TNFRSF8: variants seen among roughly 807,000 people sequenced by gnomAD.
TNFRSF8 encodes TNF receptor superfamily member 8, also known as tumor necrosis factor receptor superfamily member 8.
In TNFRSF8, 26 loss-of-function variants were observed where a neutral mutation model predicts 70.8. The observed-to-expected ratio is 0.37, with a 90% CI of 0.27 to 0.51. The LOEUF (loss-of-function observed/expected upper bound fraction) is 0.51, where lower values mean the gene tolerates loss of function less well. Among genes scored for constraint, TNFRSF8 ranks in the 20% least tolerant of loss-of-function variants. The probability of loss-of-function intolerance (pLI) is 0.94; values close to 1 mark genes in which losing one functional copy is unlikely to be tolerated. For missense variants in TNFRSF8, 720 were observed against 807.9 expected, an observed-to-expected ratio of 0.89 and a Z score of 1.32; for synonymous variants, 356 against 339.2, an observed-to-expected ratio of 1.05 and a Z score of -0.54.
chr1:12,066,633 G>A (rs1260281333), intron 1 of TNFRSF8, among the ~76,000 whole-genome samples: 2 of 151,624 alleles, frequency 1.3e-5, no homozygotes, highest in African/African-American at 4.9e-5. Context: ...GATTACAGGC[G>A]TGAGCCACCG....
At chr1:12,077,851 C>T (rs959832387) in intron 1 of TNFRSF8, 1 of 144,182 alleles carries the variant, frequency 6.9e-6, no homozygotes, top group African/African-American at 2.7e-5. Context: ...GCTTCTTGGG[C>T]CACTGTTAAG....
chr1:12,107,957 A>C (rs939780151), intron 4 of TNFRSF8, among the ~76,000 whole-genome samples: 2 of 152,146 alleles, frequency 1.3e-5, no homozygotes, highest in Admixed American at 6.6e-5. Flanking sequence ...ACAGAGCAGG[A>C]AATGTCTAAG....
Position 12,065,300 on chromosome 1 carries a change from C to T in TNFRSF8, c.63+1639C>T, listed in dbSNP as rs147581382. ...GTTTCACCATGTTGGTCAGTCTGGT[C>T]TCGAACTCCTGACCTCAAGTGATCC... On this transcript the variant is annotated intron_variant, in intron 1 of 14. Transcript: ENST00000263932. Among the ~76,000 whole-genome samples the T allele has an allele frequency of 2.8e-3, 433 of 152,158 alleles. 3 individuals are homozygous for T. Among genetic ancestry groups the T allele is most frequent in the African/African-American group, 9.8e-3 (407 of 41,506 alleles).
intron 2 of TNFRSF8, among the ~76,000 whole-genome samples, chr1:12,086,040 G>A (rs769118912): frequency 1.9e-4 from 29 of 152,328 alleles, no homozygotes; most frequent in Non-Finnish European, 2.6e-4. Flanking sequence ...GGCGGGCATC[G>A]TCTGGAGGGC....
chr1:12,124,883 A>AAAACAAAAC (rs1557600784), intron 10 of TNFRSF8, among the ~76,000 whole-genome samples: 4 of 131,884 alleles, frequency 3.0e-5, no homozygotes, highest in Admixed American at 1.5e-4. Context: ...CAAAACAAAC[A>AAAACAAAAC]AAACCCCCAA....
intron 12 of TNFRSF8, among the ~76,000 whole-genome samples, chr1:12,132,694 C>T (rs1037946024): frequency 6.6e-5 from 10 of 151,882 alleles, no homozygotes; most frequent in Admixed American, 2.0e-4. Flanking sequence ...AAAAATTAGC[C>T]GGGTGTCATG....
chr1:12,076,097 C>CTTT (rs397829917), intron 1 of TNFRSF8, among the ~76,000 whole-genome samples: 27 of 139,514 alleles, frequency 1.9e-4, no homozygotes, highest in Non-Finnish European at 3.0e-4. Flanking sequence ...TTTTTTTTTT[C>CTTT]TTTTTCTTTT....
At chr1:12,070,559 C>G (rs567934369) in intron 1 of TNFRSF8, among the ~76,000 whole-genome samples, 1 of 152,160 alleles carries the variant, frequency 6.6e-6, no homozygotes, top group Non-Finnish European at 1.5e-5. Flanking sequence ...TCCCAGGGCT[C>G]AGGTGATCCT....
chr1:12,137,560 T>G (rs1164963194), intron 13 of TNFRSF8, among the ~76,000 whole-genome samples: 7 of 16,990 alleles, frequency 4.1e-4, no homozygotes, highest in African/African-American at 9.8e-4. Flanking sequence ...TTTTTTTTGT[T>G]TTTTTTTTGT....
chr1:12,140,692 T>C (rs1642235947), intron 14 of TNFRSF8, among the ~76,000 whole-genome samples: 1 of 152,176 alleles, frequency 6.6e-6, no homozygotes, highest in South Asian at 2.1e-4. Context: ...TTGAATCCAG[T>C]TAATTCCAGA....
intron 1 of TNFRSF8, among the ~76,000 whole-genome samples, chr1:12,083,255 A>G (rs1003994401): frequency 2.6e-5 from 4 of 152,220 alleles, no homozygotes; most frequent in Admixed American, 1.3e-4. Context: ...TGGAGAATCT[A>G]TCAGAACTGA....
In TNFRSF8 at chr1:12,084,867, A is replaced by G. The variant is rs545369410; in HGVS notation, c.151+316A>G. The stretch of plus-strand genomic sequence containing the variant: ...ACCTTTATATGCACGGCATCATCTC[A>G]TTAAGTGCTTGCAATGATCCTTTAT... On this transcript the variant is annotated intron_variant, in intron 2 of 14. Coordinates refer to ENST00000263932, the MANE Select transcript of TNFRSF8 (RefSeq NM_001243.5). Among the ~76,000 whole-genome samples the G allele has an allele frequency of 2.0e-5, 3 of 152,246 alleles. No individual in the cohort carries two copies. The South Asian group carries it at 6.2e-4, about 32-fold the overall frequency.
At chr1:12,137,101 A>G (rs1197913307) in intron 13 of TNFRSF8, among the ~76,000 whole-genome samples, 1 of 152,026 alleles carries the variant, frequency 6.6e-6, no homozygotes, top group Non-Finnish European at 1.5e-5. Flanking sequence ...ACTCTTAGCG[A>G]GTGAAGAATA....
At chr1:12,140,845 A>C (rs1408787676) in intron 14 of TNFRSF8, among the ~76,000 whole-genome samples, 5 of 129,630 alleles carry the variant, frequency 3.9e-5, no homozygotes, top group Admixed American at 7.9e-5. Flanking sequence ...TTCTCTGCCC[A>C]TCCCCCTCTG....
rs1641650395 is a variant in TNFRSF8 at position 12,112,439 on chromosome 1, C to T, written c.793+425C>T. ...GGGTCTCACTCCTTCACCCAAGCTG[C>T]AGTACGGTGGTGGGATCATAGCTCC... On this transcript the variant is annotated intron_variant, in intron 7 of 14. Coordinates refer to ENST00000263932, the MANE Select transcript of TNFRSF8 (RefSeq NM_001243.5). This position sits in a 1 kb window ranked among gnomAD's most constrained non-coding sequence, Gnocchi z 5.3. Among the ~76,000 whole-genome samples, 1 of 151,586 alleles carries T rather than the reference C, an allele frequency of 6.6e-6. No individual in the cohort carries two copies. Among genetic ancestry groups the T allele is most frequent in the African/African-American group, 2.4e-5 (1 of 41,216 alleles).
Position 12,123,701 on chromosome 1 carries a change from G to T in TNFRSF8, c.1041-14G>T. 1 of 1,551,222 alleles carries T rather than the reference G, an allele frequency of 6.4e-7. No homozygotes were observed. Among genetic ancestry groups the T allele is most frequent in the Non-Finnish European group, 8.7e-7 (1 of 1,145,692 alleles). On this transcript the variant is annotated splice_polypyrimidine_tract_variant and intron_variant, in intron 9 of 14. Coordinates refer to ENST00000263932, the MANE Select transcript of TNFRSF8 (RefSeq NM_001243.5). ...CCCATCTTCATCACTCCTGCCTTGG[G>T]CTTCTCCCCGCAGCACCAGCCCCAC...
At chr1:12,089,448 TCCTGTCCATC>T (rs1464041157) in intron 2 of TNFRSF8, among the ~76,000 whole-genome samples, 10 of 152,152 alleles carry the variant, frequency 6.6e-5, no homozygotes, top group Non-Finnish European at 5.9e-5. Context: ...AGCCTCTCTC[TCCTGTCCATC>T]CCACTCGCAG....
intron 13 of TNFRSF8, among the ~76,000 whole-genome samples, chr1:12,136,051 G>A (rs1018658242): frequency 2.0e-5 from 3 of 152,000 alleles, no homozygotes; most frequent in Non-Finnish European, 4.4e-5. Context: ...TGACAGAGCA[G>A]GTGGCTATGG....
chr1:12,063,542 TC>T lies in TNFRSF8; in HGVS notation c.-52del. 7.8e-7 allele frequency: 1 copy of T among 1,288,716 alleles called. No homozygotes were observed. The highest frequency in any genetic ancestry group is 9.9e-7 in the Non-Finnish European group (1 of 1,012,158). The allele number at this position is 1,288,716 out of a possible 1,614,324, so 79.8% of individuals were successfully genotyped here. ...GGACCGCACGTGGGCGCCGCGCGCT[TC>T]CCCCGCTTCCCAGGTGGGCGCCGGC... is the stretch of plus-strand genomic sequence containing the variant. On this transcript the variant is annotated 5_prime_UTR_variant, in exon 1 of 15. Transcript: ENST00000263932. This position sits in a 1 kb window ranked among gnomAD's most constrained non-coding sequence, Gnocchi z 7.2.
Sources: gnomAD v4.1 joint callset for allele counts (sites outside exome capture counted in the v4.1 genomes callset) on GRCh38, gnomAD v4.1.1 for gene constraint, Gnocchi (gnomAD v3.1) non-coding constraint, MANE v1.5 for transcripts, NCBI Gene and HGNC (gene_info 2026-07-23, HGNC 2026-07-21) for gene names.